The following FARSB variants were observed in gnomAD, a reference collection of about 807,000 sequenced individuals.
FARSB encodes phenylalanyl-tRNA synthetase subunit beta, also known as phenylalanine--tRNA ligase beta subunit.
FARSB carries 40 observed loss-of-function variants against 69.6 expected under a neutral mutation model. The observed-to-expected ratio is 0.57, with a 90% confidence interval of 0.45 to 0.75. FARSB has a LOEUF of 0.75. Among genes scored for constraint, FARSB ranks in the 30% least tolerant of loss-of-function variants. FARSB has a pLI of 0.00. For missense variants in FARSB, 632 were observed against 722.9 expected (o/e 0.87, Z 1.44); for synonymous variants, 235 against 247.2 (o/e 0.95, Z 0.46).
intron 13 of FARSB, 80 bp from the exon 14 acceptor site, chr2:222,619,817 C>T (rs923563016): frequency 5.3e-6 from 4 of 755,722 alleles, no homozygotes; most frequent in Non-Finnish European, 9.3e-6. Context: ...TGTAAGTCAA[C>T]TTCTAAGAGC....
intron 16 of FARSB, 97 bp from the exon 17 acceptor site, chr2:222,572,119 A>G: frequency 1.0e-6 from 1 of 994,418 alleles, no homozygotes; most frequent in Non-Finnish European, 1.5e-6. Context: ...TTTAAAAATA[A>G]CTATTCTTTA....
chr2:222,652,726 A>C (rs1395979581), intron 1 of FARSB, among the ~76,000 whole-genome samples: 1 of 152,230 alleles, frequency 6.6e-6, no homozygotes, highest in African/African-American at 2.4e-5. Flanking sequence ...AAACACCTTG[A>C]CTGCAATCTG....
In FARSB at chr2:222,656,007, G is replaced by T. The variant is rs756669458; in HGVS notation, c.58+9C>A. ...GGCGTAGGGCCCAACGTATAGGGCC[G>T]CCACTCACTGTAGGTGCGGCCCAGG... On this transcript the variant is annotated intron_variant, in intron 1 of 16. Coordinates refer to ENST00000281828, the MANE Select transcript of FARSB (RefSeq NM_005687.5). 4 of 1,590,912 alleles carry T rather than the reference G, an allele frequency of 2.5e-6. No individual in the cohort carries two copies. In the South Asian group the frequency reaches 3.4e-5, roughly 13 times the overall value.
rs140244185 is a variant in FARSB, at chr2:222,654,509, A to G, written c.58+1507T>C. On this transcript the variant is annotated intron_variant, in intron 1 of 16. Transcript: ENST00000281828. ...CTTCTGGTCTCAAGCATTTTGGATA[A>G]GGAATTATTAACCTGTACCACATCC... is the stretch of plus-strand genomic sequence containing the variant. Among the ~76,000 whole-genome samples, 373 of 152,360 alleles carry G rather than the reference A, an allele frequency of 2.4e-3. 9 individuals carry two copies. In the East Asian group the frequency reaches 0.061, roughly 25 times the overall value.
chr2:222,632,247 C>T (rs914042866), intron 7 of FARSB, among the ~76,000 whole-genome samples: 34 of 152,232 alleles, frequency 2.2e-4, no homozygotes, highest in Non-Finnish European at 3.7e-4. Context: ...CAGGCCTTTA[C>T]TGAATGCATA....
intron 15 of FARSB, among the ~76,000 whole-genome samples, chr2:222,611,269 G>A (rs577488935): frequency 2.6e-5 from 4 of 152,210 alleles, no homozygotes; most frequent in Admixed American, 6.5e-5. Flanking sequence ...ATAGAGTGGT[G>A]TAATTATAAC....
At chr2:222,648,698 T>C (rs1478770559) in intron 2 of FARSB, 42 bp downstream of exon 2, 4 of 1,196,142 alleles carry the variant, frequency 3.3e-6, no homozygotes, top group Non-Finnish European at 5.0e-6. Context: ...AATAAGCTTA[T>C]GCACACAATC....
At chr2:222,580,716 G>T (rs983720487) in intron 16 of FARSB, among the ~76,000 whole-genome samples, 13 of 151,872 alleles carry the variant, frequency 8.6e-5, no homozygotes, top group Admixed American at 7.9e-4. Context: ...AAAAAAAAAT[G>T]CCCCAAATCA....
At position 222,604,548 on chromosome 2, in the gene FARSB, G is replaced by A. The variant is rs189547422; in HGVS notation, c.1463-4465C>T. Among the ~76,000 whole-genome samples the A allele has an allele frequency of 1.4e-4, 21 of 152,012 alleles. No homozygotes were observed. In the East Asian group the frequency reaches 3.3e-3, roughly 24 times the overall value. On this transcript the variant is annotated intron_variant, in intron 15 of 16. Coordinates refer to ENST00000281828, the MANE Select transcript of FARSB (RefSeq NM_005687.5). The stretch of plus-strand genomic sequence containing the variant: ...GTACAAGACATCTACAACCTAAACC[G>A]TCAGTAATTCTTCTTTGTTTCTTTG...
intron 16 of FARSB, among the ~76,000 whole-genome samples, chr2:222,578,152 A>G (rs1689881896): frequency 6.6e-6 from 1 of 152,192 alleles, no homozygotes; most frequent in South Asian, 2.1e-4. Context: ...TTTTCCCCCA[A>G]AATTTTCACA....
rs568708495 is a variant in FARSB, at chr2:222,574,194, T to C, written c.1619-2172A>G. On this transcript the variant is annotated intron_variant, in intron 16 of 16. Transcript: ENST00000281828. ...TTAGCAAAATTCAGTTATATTCTTC[T>C]TCAGTTGCCAGATCTACCTCTCTCC... is the stretch of plus-strand genomic sequence containing the variant. Among the ~76,000 whole-genome samples the C allele has an allele frequency of 8.5e-5, 13 of 152,274 alleles. No individual in the cohort carries two copies. The South Asian group carries it at 2.7e-3, about 32-fold the overall frequency.
chr2:222,594,514 G>A (rs1471177445), intron 16 of FARSB, among the ~76,000 whole-genome samples: 2 of 151,970 alleles, frequency 1.3e-5, no homozygotes, highest in Non-Finnish European at 2.9e-5. Context: ...CTATTTTTAT[G>A]TATACAGCAC....
chr2:222,642,850 C>T lies in FARSB; in HGVS notation c.269+1G>A. The T allele has an allele frequency of 3.1e-6, 5 of 1,596,240 alleles. No individual in the cohort carries two copies. Among genetic ancestry groups the T allele is most frequent in the Non-Finnish European group, 4.3e-6 (5 of 1,172,464 alleles). ...AGTCTTTAAGGAACATATTTCCTTACCTTTCTTTGAAGACCTGAAGTCCTC... is the reference window on the plus strand; with the variant it reads ...AGTCTTTAAGGAACATATTTCCTTATCTTTCTTTGAAGACCTGAAGTCCTC... On this transcript the variant is annotated splice_donor_variant, in intron 3 of 16. Coordinates refer to ENST00000281828, the MANE Select transcript of FARSB (RefSeq NM_005687.5). LOFTEE classifies it high-confidence loss of function.
intron 1 of FARSB, among the ~76,000 whole-genome samples, chr2:222,653,734 G>A (rs545656611): frequency 6.6e-6 from 1 of 151,298 alleles, no homozygotes; most frequent in Non-Finnish European, 1.5e-5. Flanking sequence ...TGGTTTAAGC[G>A]ATCCTCCGGC....
At chr2:222,574,416 A>G (rs1574905887) in intron 16 of FARSB, among the ~76,000 whole-genome samples, 1 of 152,202 alleles carries the variant, frequency 6.6e-6, no homozygotes, top group Admixed American at 6.5e-5. Flanking sequence ...AAAAGCTCTC[A>G]CCTGTCACCT....
intron 16 of FARSB, among the ~76,000 whole-genome samples, chr2:222,579,180 AG>A (rs1689909245): frequency 1.3e-5 from 2 of 152,180 alleles, no homozygotes; most frequent in African/African-American, 4.8e-5. Context: ...AGTAAGCAAA[AG>A]GTGAATAAGG....
intron 15 of FARSB, among the ~76,000 whole-genome samples, chr2:222,609,924 C>T (rs1437000568): frequency 1.3e-5 from 2 of 152,180 alleles, no homozygotes; most frequent in Non-Finnish European, 2.9e-5. Flanking sequence ...CTTGCCCACC[C>T]CAAATTGATA....
intron 1 of FARSB, among the ~76,000 whole-genome samples, chr2:222,649,421 G>A (rs778402580): frequency 3.3e-5 from 5 of 152,196 alleles, no homozygotes; most frequent in African/African-American, 4.8e-5. Context: ...CAGATATAAA[G>A]TAGGCTCCAA....
At chr2:222,652,590 G>A (rs1217267577) in intron 1 of FARSB, among the ~76,000 whole-genome samples, 2 of 152,222 alleles carry the variant, frequency 1.3e-5, no homozygotes, top group African/African-American at 4.8e-5. Flanking sequence ...AGAGGATAAG[G>A]TGGGAGGAAC....
Sources: gnomAD v4.1 joint callset for allele counts (sites outside exome capture counted in the v4.1 genomes callset) on GRCh38, gnomAD v4.1.1 for gene constraint, MANE v1.5 for transcripts, NCBI Gene and HGNC (gene_info 2026-07-23, HGNC 2026-07-21) for gene names.